The following UTS2B variants were observed in gnomAD, a reference collection of about 807,000 sequenced individuals.
The protein encoded by UTS2B is urotensin 2B.
UTS2B carries 21 observed loss-of-function variants against 19.2 expected under a neutral mutation model. The observed-to-expected ratio is 1.09, with a 90% CI of 0.78 to 1.58. The LOEUF (loss-of-function observed/expected upper bound fraction) is 1.58. Ranked by LOEUF, UTS2B falls within the 40% of genes most tolerant of loss-of-function variation. UTS2B has a pLI of 0.00. For missense variants in UTS2B, 138 were observed against 130.3 expected (o/e 1.06, Z -0.29); for synonymous variants, 57 against 50.2 (o/e 1.14, Z -0.58).
intron 4 of UTS2B, among the ~76,000 whole-genome samples, chr3:191,293,168 A>G (rs1287741553): frequency 6.6e-6 from 1 of 151,652 alleles, no homozygotes; most frequent in Non-Finnish European, 1.5e-5. Context: ...GTATTTTATT[A>G]GCAACTTTTG....
At chr3:191,287,546 TATGATAAAAACTTTC>T (rs1028354422) in intron 4 of UTS2B, among the ~76,000 whole-genome samples, 50 of 152,010 alleles carry the variant, frequency 3.3e-4, no homozygotes, top group African/African-American at 1.2e-3. Context: ...ATAAAATGTA[TATGATAAAAACTTTC>T]ATGATAAAAA....
intron 4 of UTS2B, among the ~76,000 whole-genome samples, chr3:191,298,266 C>T (rs1427604756): frequency 6.6e-6 from 1 of 152,100 alleles, no homozygotes; most frequent in African/African-American, 2.4e-5. Flanking sequence ...CTTGGAGATA[C>T]AGTTTGGATT....
intron 5 of UTS2B, among the ~76,000 whole-genome samples, chr3:191,281,051 A>C (rs1716371301): frequency 6.6e-6 from 1 of 152,186 alleles, no homozygotes; most frequent in Non-Finnish European, 1.5e-5. Context: ...TCCTCTGCCA[A>C]CAGAACTACT....
At position 191,267,357 on chromosome 3, in the gene UTS2B, T is replaced by A. The variant is rs1189759570; in HGVS notation, c.*1059A>T. On this transcript the variant is annotated 3_prime_UTR_variant, in exon 9 of 9. Transcript: ENST00000340524. ...TTAGTGATTATTCACAACATAAACC[T>A]TAAGCTTATCATAATTGACTTAGTA... 2 of 152,234 alleles carry A rather than the reference T, an allele frequency of 1.3e-5. No individual in the cohort carries two copies. The highest frequency in any genetic ancestry group is 2.9e-5 in the Non-Finnish European group (2 of 68,032). The allele number at this position is 152,234 out of a possible 1,614,324, so 9.4% of individuals were successfully genotyped here.
At chr3:191,276,720 T>A in intron 7 of UTS2B, 87 bp downstream of exon 7, 1 of 1,125,800 alleles carries the variant, frequency 8.9e-7, no homozygotes, top group Non-Finnish European at 1.3e-6. Flanking sequence ...GTAGTATTAA[T>A]AATTTATTTT....
At chr3:191,341,286 G>C in the UTS2B span, among the ~76,000 whole-genome samples, 2 of 152,160 alleles carry the variant, frequency 1.3e-5, no homozygotes, top group African/African-American at 4.8e-5. Flanking sequence ...TTATTGAGCT[G>C]CTGCTTAGTG....
chr3:191,275,171 A>G, intron 8 of UTS2B, 81 bp downstream of exon 8: 2 of 1,082,376 alleles, frequency 1.8e-6, no homozygotes, highest in Non-Finnish European at 2.7e-6. Flanking sequence ...AGAAATGCCA[A>G]CTGAATCTTC....
chr3:191,323,141 T>TTTATTTTATGTTATG (rs1412439561), intron 2 of UTS2B, among the ~76,000 whole-genome samples: 1 of 131,576 alleles, frequency 7.6e-6, no homozygotes, highest in Non-Finnish European at 1.5e-5. Flanking sequence ...GTTATTTTAT[T>TTTATTTTATGTTATG]TTATTTTATT....
chr3:191,289,136 G>C (rs895826266), intron 4 of UTS2B, among the ~76,000 whole-genome samples: 1 of 152,082 alleles, frequency 6.6e-6, no homozygotes, highest in East Asian at 1.9e-4. Context: ...TCAGCCAGGC[G>C]CAGTGGCTCA....
intron 4 of UTS2B, among the ~76,000 whole-genome samples, chr3:191,293,903 G>A (rs1716783415): frequency 6.6e-6 from 1 of 151,794 alleles, no homozygotes; most frequent in Admixed American, 6.5e-5. Flanking sequence ...GAGGTCAGGA[G>A]TTCAAGACCA....
chr3:191,346,077 T>C, the UTS2B span, among the ~76,000 whole-genome samples: 4 of 152,178 alleles, frequency 2.6e-5, no homozygotes, highest in Admixed American at 2.6e-4. Context: ...TCTTCTTACA[T>C]TGGTGTTCAG....
In UTS2B at chr3:191,298,110, C is replaced by T. The variant is rs191429419; in HGVS notation, c.-125+6382G>A. On this transcript the variant is annotated intron_variant, in intron 4 of 8. Transcript: ENST00000340524. ...GTTGCCTAGTTGTAGCATATATATT[C>T]ATCTTTTTATTTTTTAGGGAAAAAA... Among the ~76,000 whole-genome samples the T allele has an allele frequency of 4.1e-3, 618 of 152,236 alleles. 3 individuals are homozygous for T. The highest frequency in any genetic ancestry group is 5.6e-3 in the Non-Finnish European group (383 of 68,004).
chr3:191,340,246 T>C, the UTS2B span, among the ~76,000 whole-genome samples: 1 of 152,196 alleles, frequency 6.6e-6, no homozygotes, highest in Non-Finnish European at 1.5e-5. Flanking sequence ...AAGACTAAAA[T>C]TCTGACAGGT....
chr3:191,343,149 T>C, the UTS2B span, among the ~76,000 whole-genome samples: 1 of 152,208 alleles, frequency 6.6e-6, no homozygotes, highest in East Asian at 1.9e-4. Flanking sequence ...GAAGTGAGTA[T>C]GCACCTATTT....
At chr3:191,308,838 C>G (rs1717213182) in intron 3 of UTS2B, among the ~76,000 whole-genome samples, 2 of 151,724 alleles carry the variant, frequency 1.3e-5, no homozygotes. Context: ...TACTTGCTAC[C>G]TCTTAGTTAT....
intron 3 of UTS2B, among the ~76,000 whole-genome samples, chr3:191,305,919 C>A (rs919589083): frequency 6.6e-6 from 1 of 152,054 alleles, no homozygotes; most frequent in Non-Finnish European, 1.5e-5. Context: ...TTAAATAAGA[C>A]TTTTTTCCCC....
In UTS2B at chr3:191,282,266, C is replaced by A; in HGVS notation, c.-77G>T. The A allele has an allele frequency of 9.0e-7, 1 of 1,111,894 alleles. No individual in the cohort carries two copies. Among genetic ancestry groups the A allele is most frequent in the South Asian group, 1.5e-5 (1 of 65,588 alleles). 68.9% of individuals were successfully genotyped at this position (1,111,894 alleles called of 1,614,324 possible). On this transcript the variant is annotated 5_prime_UTR_variant, in exon 5 of 9. Transcript: ENST00000340524. ...TGGATATTTCTATAGCTTTGGAATT[C>A]AGTAGAGCTTAGTTGCAAAAGGCAA...
intron 3 of UTS2B, among the ~76,000 whole-genome samples, chr3:191,310,119 T>C (rs777734906): frequency 1.3e-5 from 2 of 151,804 alleles, no homozygotes; most frequent in Non-Finnish European, 2.9e-5. Context: ...CGCACCACCA[T>C]GCCTGGCTAT....
At chr3:191,306,090 T>C (rs1717133098) in intron 3 of UTS2B, among the ~76,000 whole-genome samples, 1 of 152,208 alleles carries the variant, frequency 6.6e-6, no homozygotes, top group African/African-American at 2.4e-5. Context: ...CAGTTTGAAG[T>C]CGCTGAGTGT....
Sources: gnomAD v4.1 joint callset for allele counts (sites outside exome capture counted in the v4.1 genomes callset) on GRCh38, gnomAD v4.1.1 for gene constraint, MANE v1.5 for transcripts, NCBI Gene and HGNC (gene_info 2026-07-23, HGNC 2026-07-21) for gene names.